The following PVT1 variants were observed in gnomAD, a reference collection of about 807,000 sequenced individuals.
PVT1 encodes the protein CXCR4/PVT1 fusion.
chr8:128,024,624 C>T (rs1226460030), intron 4 of PVT1, among the ~76,000 whole-genome samples: 1 of 150,852 alleles, frequency 6.6e-6, no homozygotes, highest in Non-Finnish European at 1.5e-5. Context: ...AAGACCCTGT[C>T]TCAAAAAAAA....
At chr8:127,958,040 G>C (rs889275536) in intron 3 of PVT1, among the ~76,000 whole-genome samples, 1 of 152,210 alleles carries the variant, frequency 6.6e-6, no homozygotes, top group African/African-American at 2.4e-5. Flanking sequence ...GAGGCACATG[G>C]GAATGACAGG....
intron 2 of PVT1, among the ~76,000 whole-genome samples, chr8:127,804,055 G>T (rs1310080718): frequency 6.6e-6 from 1 of 151,892 alleles, no homozygotes; most frequent in Non-Finnish European, 1.5e-5. Flanking sequence ...GGGCTTGGTG[G>T]CATGTACCTG....
chr8:127,842,142 G>GT (rs752880848), intron 2 of PVT1, among the ~76,000 whole-genome samples: 3 of 151,094 alleles, frequency 2.0e-5, no homozygotes, highest in Non-Finnish European at 4.4e-5. Flanking sequence ...TGCAGAAATA[G>GT]TTTTTTGAAT....
intron 4 of PVT1, among the ~76,000 whole-genome samples, chr8:128,022,038 C>T (rs994301489): frequency 4.6e-5 from 7 of 152,100 alleles, no homozygotes; most frequent in East Asian, 1.9e-4. Flanking sequence ...GGCCACAGAG[C>T]GAGACTCTGT....
intron 2 of PVT1, among the ~76,000 whole-genome samples, chr8:127,810,457 T>G (rs778055220): frequency 6.6e-6 from 1 of 152,184 alleles, no homozygotes; most frequent in Non-Finnish European, 1.5e-5. Context: ...AGTGAGCGTG[T>G]ATTGAATTGC....
At chr8:127,807,797 C>T (rs1814544296) in intron 2 of PVT1, among the ~76,000 whole-genome samples, 1 of 151,574 alleles carries the variant, frequency 6.6e-6, no homozygotes, top group African/African-American at 2.4e-5. Flanking sequence ...GACGGAGTCT[C>T]GCTCTGTCAC....
At chr8:127,890,947 TC>T (rs1244468657) in exon 3 of PVT1, 1 of 152,362 alleles carries the variant, frequency 6.6e-6, no homozygotes. Context: ...CCCCGACTCT[TC>T]CTGGTGAAGC....
chr8:128,087,906 G>A (rs893219941), intron 5 of PVT1, among the ~76,000 whole-genome samples: 31 of 151,616 alleles, frequency 2.0e-4, no homozygotes, highest in African/African-American at 6.5e-4. Flanking sequence ...TTGCAGACAC[G>A]TGCCACCACA....
At position 127,907,414 on chromosome 8, in the gene PVT1, C is replaced by A. The variant is rs543057524; in HGVS notation, n.782+16416C>A. ...CACTCTGGCCTTCAGGAGTCTGGAT[C>A]TTTATGCCTGATGGAACTGACACGG... On this transcript the variant is annotated intron_variant and non_coding_transcript_variant, in intron 3 of 10. Transcript: ENST00000651587. Among the ~76,000 whole-genome samples the A allele has an allele frequency of 2.6e-5, 4 of 152,326 alleles. No individual in the cohort carries two copies. In the South Asian group the frequency reaches 8.3e-4, roughly 32 times the overall value.
chr8:127,993,590 G>T (rs16902510), intron 4 of PVT1, among the ~76,000 whole-genome samples: 39,209 of 152,160 alleles, frequency 0.26, 5,202 homozygotes, highest in East Asian at 0.42. Context: ...TCTAGGTCTT[G>T]TTCTCTGTCT....
At chr8:128,057,553 G>A (rs1813777004) in intron 4 of PVT1, among the ~76,000 whole-genome samples, 1 of 152,166 alleles carries the variant, frequency 6.6e-6, no homozygotes, top group African/African-American at 2.4e-5. Context: ...AAAGTCAGGA[G>A]CCACCCTGGC....
At chr8:128,029,564 G>A (rs932098648) in intron 4 of PVT1, among the ~76,000 whole-genome samples, 2 of 152,212 alleles carry the variant, frequency 1.3e-5, no homozygotes, top group African/African-American at 4.8e-5. Flanking sequence ...CACTTTGGGA[G>A]GCCGAGGCAG....
intron 3 of PVT1, chr8:127,960,772 C>T (rs2129944776): frequency 2.3e-6 from 1 of 432,734 alleles, no homozygotes; most frequent in South Asian, 1.8e-5. Flanking sequence ...ATTATTGTTT[C>T]AATTTCCTGG....
At chr8:127,900,713 G>T (rs181876265) in intron 3 of PVT1, among the ~76,000 whole-genome samples, 2 of 152,336 alleles carry the variant, frequency 1.3e-5, no homozygotes, top group Non-Finnish European at 2.9e-5. Flanking sequence ...CTAGCACAGG[G>T]CTGCAGGTGC....
At chr8:127,983,898 A>G (rs1429025766) in intron 3 of PVT1, 3 of 27,822 alleles carry the variant, frequency 1.1e-4, no homozygotes, top group African/African-American at 3.2e-4. Flanking sequence ...TTTTTTTTTG[A>G]TATAGAGTCT....
At chr8:128,007,483 G>A (rs576301001) in intron 4 of PVT1, among the ~76,000 whole-genome samples, 57 of 152,048 alleles carry the variant, frequency 3.7e-4, no homozygotes, top group African/African-American at 1.3e-3. Flanking sequence ...ACTAATATGG[G>A]ATGGTGTCCA....
intron 4 of PVT1, among the ~76,000 whole-genome samples, chr8:128,039,127 C>T (rs892132703): frequency 6.6e-6 from 1 of 152,202 alleles, no homozygotes; most frequent in South Asian, 2.1e-4. Flanking sequence ...AACACCGTTT[C>T]TTCTTTCTGC....
rs62516180 is a variant in PVT1 at position 128,062,401 on chromosome 8, C to A, written n.913-7759C>A. On this transcript the variant is annotated intron_variant and non_coding_transcript_variant, in intron 4 of 10. Coordinates refer to ENST00000651587, the Ensembl canonical transcript of PVT1. ...TACTCTTTAACCCTTCCTAAATGCA[C>A]CTGTTCAGAGGAGCAGGCAACAACA... Among the ~76,000 whole-genome samples, 808 of 152,142 alleles carry A rather than the reference C, an allele frequency of 5.3e-3. 3 individuals are homozygous for A. Among genetic ancestry groups the A allele is most frequent in the Non-Finnish European group, 8.5e-3 (576 of 67,998 alleles).
Position 127,864,712 on chromosome 8 carries a change from T to C in PVT1, n.373-25877T>C, listed in dbSNP as rs186289848. On this transcript the variant is annotated intron_variant and non_coding_transcript_variant, in intron 2 of 10. Transcript: ENST00000651587. ...ACAGGCGCCCACCACCACGCCCGGC[T>C]ATTTTTTTTGTATTTTTAGTACATA... 5.3e-3 allele frequency among the ~76,000 whole-genome samples: 803 copies of C among 152,086 alleles called. 12 individuals carry two copies. The highest frequency in any genetic ancestry group is 0.018 in the African/African-American group (749 of 41,476).
Sources: allele counts gnomAD v4.1 joint callset (sites outside exome capture counted in the v4.1 genomes callset), GRCh38; gene constraint gnomAD v4.1.1; transcripts MANE v1.5; gene names NCBI Gene and HGNC (gene_info 2026-07-23, HGNC 2026-07-21).